The following NUP155 variants were observed in gnomAD, a reference collection of about 807,000 sequenced individuals.
NUP155 encodes nucleoporin 155.
A neutral mutation model predicts 180.4 loss-of-function variants in NUP155; 71 were observed. The ratio of observed to expected loss-of-function variants is 0.39; its 90% CI spans 0.33 to 0.48. NUP155 has a LOEUF of 0.48. Ranked by LOEUF, NUP155 falls within the 20% of genes least tolerant of loss-of-function variation. The probability of loss-of-function intolerance (pLI) is 0.91; values close to 1 mark genes in which losing one functional copy is unlikely to be tolerated. For missense variants in NUP155, 1,553 were observed against 1,648.9 expected, an observed-to-expected ratio of 0.94 and a Z score of 1.01; for synonymous variants, 582 against 559.5, an observed-to-expected ratio of 1.04 and a Z score of -0.57.
rs756139023 is a variant in NUP155 at position 37,370,952 on chromosome 5, G to A, written c.26C>T (p.Ala9Val). The A allele has an allele frequency of 9.3e-6, 15 of 1,613,896 alleles. No individual in the cohort carries two copies. The East Asian group carries it at 2.9e-4, about 31-fold the overall frequency. The change falls in exon 1 of 35, where the codon GCG becomes GTG. Residue 9 changes from alanine to valine, a missense_variant. Ala to Val is a moderately conservative substitution (Grantham distance 64). Coordinates refer to ENST00000231498, the MANE Select transcript of NUP155 (RefSeq NM_153485.3). ...TGCGGCAGATGTAGAGGCCGGCATC[G>A]CCGCGCCCAACAAAGAAGACGGCAT... is the stretch of plus-strand genomic sequence containing the variant. MPSSLLGA[A>V]MPASTSAAAL...
intron 24 of NUP155, among the ~76,000 whole-genome samples, chr5:37,308,532 C>T (rs1021448414): frequency 1.3e-5 from 2 of 151,886 alleles, no homozygotes; most frequent in African/African-American, 4.8e-5. Flanking sequence ...CCCATCTCTA[C>T]TAAAAATACA....
At chr5:37,308,242 A>G (rs1006772536) in intron 24 of NUP155, among the ~76,000 whole-genome samples, 1 of 152,146 alleles carries the variant, frequency 6.6e-6, no homozygotes, top group African/African-American at 2.4e-5. Context: ...CAAGAACTGA[A>G]ACTCTAATGC....
chr5:37,350,366 A>C, intron 6 of NUP155, 101 bp from the exon 7 acceptor site: 1 of 760,096 alleles, frequency 1.3e-6, no homozygotes, highest in Non-Finnish European at 2.3e-6. Flanking sequence ...TCTTCATGAA[A>C]TACCAGTTAT....
At chr5:37,316,745 G>A (rs1340408154) in intron 21 of NUP155, among the ~76,000 whole-genome samples, 1 of 152,004 alleles carries the variant, frequency 6.6e-6, no homozygotes, top group Non-Finnish European at 1.5e-5. Context: ...GATTACAGGT[G>A]AGAGCCACTG....
At chr5:37,336,815 C>A (rs1745356369) in intron 12 of NUP155, among the ~76,000 whole-genome samples, 1 of 152,168 alleles carries the variant, frequency 6.6e-6, no homozygotes, top group Non-Finnish European at 1.5e-5. Flanking sequence ...ATACTCCCAT[C>A]CCTGGGAGTT....
intron 28 of NUP155, 86 bp from the exon 29 acceptor site, chr5:37,302,994 A>T: frequency 7.2e-7 from 1 of 1,389,942 alleles, no homozygotes; most frequent in Non-Finnish European, 1.0e-6. Context: ...ACTGTTTCAT[A>T]CCAAACACAC....
chr5:37,331,929 T>C (rs1744990555), intron 13 of NUP155, 134 bp from the exon 14 acceptor site: 3 of 666,102 alleles, frequency 4.5e-6, no homozygotes, highest in Admixed American at 2.3e-5. Flanking sequence ...AGGCTGGGTA[T>C]GGTGGCCCAC....
Position 37,341,115 on chromosome 5 carries a change from T to A in NUP155, c.1221A>T (p.Lys407Asn). Residue 407 changes from lysine to asparagine, a missense_variant, in exon 11 of 35, where the codon AAA becomes AAT. Lys to Asn is a moderately conservative substitution (Grantham distance 94). Transcript: ENST00000231498. ...CTTTACTATAAAGAGCTCTATGTAC[T>A]TTTGAAGGCTTTTCCACGGTTGAAG... ...SASSTVEKPS[K>N]VHRALYSKGI... 1 of 1,613,624 alleles carries A rather than the reference T, an allele frequency of 6.2e-7. No individual in the cohort carries two copies. The highest frequency in any genetic ancestry group is 8.5e-7 in the Non-Finnish European group (1 of 1,179,516).
chr5:37,306,477 C>T (rs1353230130), intron 25 of NUP155, among the ~76,000 whole-genome samples: 2 of 152,096 alleles, frequency 1.3e-5, no homozygotes, highest in Non-Finnish European at 2.9e-5. Flanking sequence ...TATATTTCTT[C>T]TTTGTTCCGA....
intron 19 of NUP155, among the ~76,000 whole-genome samples, chr5:37,324,562 C>CTT (rs905305569): frequency 3.4e-5 from 5 of 146,080 alleles, no homozygotes; most frequent in African/African-American, 7.5e-5. Flanking sequence ...GAAACTTGAA[C>CTT]TTTTTTTTTT....
At chr5:37,343,445 T>G (rs1021257366) in intron 9 of NUP155, among the ~76,000 whole-genome samples, 3 of 152,156 alleles carry the variant, frequency 2.0e-5, no homozygotes, top group African/African-American at 4.8e-5. Flanking sequence ...CAGCAAGAAC[T>G]GGAAAAACTC....
intron 21 of NUP155, among the ~76,000 whole-genome samples, chr5:37,314,776 C>G (rs1743777305): frequency 1.3e-5 from 2 of 150,990 alleles, no homozygotes; most frequent in South Asian, 2.1e-4. Context: ...GGAGGCGGAG[C>G]CTGGGCGACA....
chr5:37,354,242 G>C (rs1289778626), intron 4 of NUP155, among the ~76,000 whole-genome samples: 2 of 151,760 alleles, frequency 1.3e-5, no homozygotes, highest in Non-Finnish European at 2.9e-5. Flanking sequence ...TGCCTCCCGG[G>C]TTCAAGTGAT....
At chr5:37,320,747 T>C (rs1227539724) in intron 20 of NUP155, among the ~76,000 whole-genome samples, 1 of 151,938 alleles carries the variant, frequency 6.6e-6, no homozygotes, top group Non-Finnish European at 1.5e-5. Flanking sequence ...CAAAAGACCA[T>C]AATGTTAGAA....
intron 11 of NUP155, among the ~76,000 whole-genome samples, chr5:37,340,868 C>T (rs1013833753): frequency 2.0e-5 from 3 of 152,074 alleles, no homozygotes. Context: ...GCGTATATTG[C>T]GTGGTGCTAA....
intron 24 of NUP155, among the ~76,000 whole-genome samples, chr5:37,308,334 C>A (rs866572920): frequency 1.3e-5 from 2 of 151,996 alleles, no homozygotes; most frequent in African/African-American, 2.4e-5. Flanking sequence ...GGGTGGATCA[C>A]CTGAGGTCAG....
chr5:37,344,878 A>G (rs1745975862), intron 9 of NUP155, among the ~76,000 whole-genome samples: 1 of 151,810 alleles, frequency 6.6e-6, no homozygotes, highest in Non-Finnish European at 1.5e-5. Flanking sequence ...TCTCAAAAAA[A>G]AAAAAAAAAA....
At chr5:37,328,475 A>ATCACATTCAAAAG in intron 16 of NUP155, 55 bp from the exon 17 acceptor site, 2 of 1,286,064 alleles carry the variant, frequency 1.6e-6, no homozygotes, top group Non-Finnish European at 2.3e-6. Context: ...CAATCTTTTG[A>ATCACATTCAAAAG]ATGTGATCAA....
intron 11 of NUP155, among the ~76,000 whole-genome samples, chr5:37,339,061 A>G (rs1194136444): frequency 6.6e-6 from 1 of 152,146 alleles, no homozygotes; most frequent in Non-Finnish European, 1.5e-5. Flanking sequence ...TGGCAGAGAT[A>G]AGTGTACTAT....
Sources: allele counts gnomAD v4.1 joint callset (sites outside exome capture counted in the v4.1 genomes callset), GRCh38; gene constraint gnomAD v4.1.1; transcripts MANE v1.5; gene names NCBI Gene and HGNC (gene_info 2026-07-23, HGNC 2026-07-21).